A2ML1: variants seen among roughly 807,000 people sequenced by gnomAD.
The protein encoded by A2ML1 is alpha-2-macroglobulin-like protein 1.
A2ML1 carries 161 observed loss-of-function variants against 181.9 expected under a neutral mutation model. That is an observed-to-expected ratio of 0.89 (90% CI 0.78 to 1.01). The LOEUF (loss-of-function observed/expected upper bound fraction) is 1.01, where lower values mean the gene tolerates loss of function less well. A2ML1 is among the 50% of genes least tolerant of loss of function. The probability of loss-of-function intolerance (pLI) is 0.00; values close to 1 mark genes in which losing one functional copy is unlikely to be tolerated. For missense variants in A2ML1, 1,670 were observed against 1,768.1 expected, an observed-to-expected ratio of 0.94 and a Z score of 1.00; for synonymous variants, 663 against 666.8, an observed-to-expected ratio of 0.99 and a Z score of 0.09.
chr12:8,822,955 C>T (rs1942791525), intron 1 of A2ML1, among the ~76,000 whole-genome samples: 1 of 152,086 alleles, frequency 6.6e-6, no homozygotes, highest in Admixed American at 6.6e-5. Flanking sequence ...TAATTTCCTC[C>T]TTGGTGCTCT....
intron 10 of A2ML1, 43 bp downstream of exon 10, chr12:8,839,265 C>A: frequency 6.8e-7 from 1 of 1,461,528 alleles, no homozygotes; most frequent in Non-Finnish European, 9.5e-7. Flanking sequence ...AAATGCATAA[C>A]CATCTACTTT....
intron 3 of A2ML1, among the ~76,000 whole-genome samples, chr12:8,826,596 C>A (rs906732005): frequency 1.3e-5 from 2 of 152,006 alleles, no homozygotes; most frequent in Admixed American, 1.3e-4. Flanking sequence ...TACAGGCATG[C>A]GCCACCATGC....
intron 1 of A2ML1, 107 bp from the exon 2 acceptor site, chr12:8,823,075 G>C: frequency 8.9e-7 from 1 of 1,117,744 alleles, no homozygotes; most frequent in African/African-American, 1.6e-5. Flanking sequence ...GAAGGCAGGG[G>C]CTTGGTCTGT....
At position 8,874,590 on chromosome 12, in the gene A2ML1, C is replaced by T. The variant is rs770157492; in HGVS notation, c.4324+63C>T. The T allele has an allele frequency of 2.2e-5, 28 of 1,298,664 alleles. No individual in the cohort carries two copies. The Admixed American group carries it at 2.2e-4, about 10-fold the overall frequency. 80.4% of individuals were successfully genotyped at this position (1,298,664 alleles called of 1,614,324 possible). A position where few individuals can be genotyped will look rare whatever the true frequency, so the allele number is the denominator to read the frequency against. On this transcript the variant is annotated intron_variant, in intron 34 of 35. Transcript: ENST00000299698. The stretch of plus-strand genomic sequence containing the variant: ...CCTGCATCTCCCAACTTACTTCTGC[C>T]TCATTCTTCATGGCTTCTCTCTTAA...
At chr12:8,869,105 G>A (rs2136966823) in intron 32 of A2ML1, 30 bp from the exon 33 acceptor site, 6 of 1,612,296 alleles carry the variant, frequency 3.7e-6, no homozygotes, top group Middle Eastern at 1.7e-4. Flanking sequence ...CTGGCTCTTA[G>A]TATCTTTTTT....
chr12:8,858,143 G>A lies in A2ML1; in HGVS notation c.3264+41G>A, dbSNP rs192923792. The stretch of plus-strand genomic sequence containing the variant: ...GGAGCCTGCAGCCAACCACTGTCTC[G>A]AAGGACCCCACACCTCTGACCGAGT... On this transcript the variant is annotated intron_variant, in intron 26 of 35. Coordinates refer to ENST00000299698, the MANE Select transcript of A2ML1 (RefSeq NM_144670.6). The A allele has an allele frequency of 1.3e-4, 205 of 1,597,744 alleles. 1 individual carries two copies. In the East Asian group the frequency reaches 3.5e-3, roughly 27 times the overall value.
intron 28 of A2ML1, among the ~76,000 whole-genome samples, chr12:8,862,972 T>C (rs1375993666): frequency 6.6e-6 from 1 of 152,228 alleles, no homozygotes; most frequent in African/African-American, 2.4e-5. Context: ...TCACAGAGGT[T>C]TCTTTTGGTC....
chr12:8,836,008 G>A (rs898652620), intron 6 of A2ML1, among the ~76,000 whole-genome samples: 17 of 105,134 alleles, frequency 1.6e-4, no homozygotes, highest in African/African-American at 6.0e-4. Context: ...GCAAGACTCC[G>A]TCTCAAAAAA....
At chr12:8,854,660 G>C in intron 21 of A2ML1, 120 bp from the exon 22 acceptor site, 1 of 1,033,784 alleles carries the variant, frequency 9.7e-7, no homozygotes, top group Non-Finnish European at 1.5e-6. Flanking sequence ...AGAAGCTCTT[G>C]TCTGCAGTTC....
intron 4 of A2ML1, 130 bp downstream of exon 4, chr12:8,829,909 C>G: frequency 9.3e-7 from 1 of 1,080,092 alleles, no homozygotes; most frequent in Non-Finnish European, 1.4e-6. Flanking sequence ...CTGCTGTGTG[C>G]GTGGGACTGG....
intron 26 of A2ML1, 91 bp from the exon 27 acceptor site, chr12:8,860,790 T>C: frequency 4.9e-6 from 5 of 1,028,002 alleles, no homozygotes; most frequent in Non-Finnish European, 7.5e-6. Context: ...ATTATTCATC[T>C]ATTCAGAGGG....
intron 14 of A2ML1, among the ~76,000 whole-genome samples, chr12:8,846,564 G>A (rs994936294): frequency 2.0e-5 from 3 of 151,936 alleles, no homozygotes; most frequent in Admixed American, 6.6e-5. Flanking sequence ...AATTAGCTGG[G>A]TGTGCAGCAC....
intron 33 of A2ML1, among the ~76,000 whole-genome samples, chr12:8,870,246 T>C (rs978554583): frequency 6.6e-6 from 1 of 152,084 alleles, no homozygotes; most frequent in Non-Finnish European, 1.5e-5. Flanking sequence ...GTTTTTTATG[T>C]TGTGTGAGCC....
At position 8,850,272 on chromosome 12, in the gene A2ML1, T is replaced by G. The variant is rs961372102; in HGVS notation, c.2232T>G (p.Ile744Met). The G allele has an allele frequency of 6.2e-7, 1 of 1,609,100 alleles. No homozygotes were observed. Among genetic ancestry groups the G allele is most frequent in the South Asian group, 1.1e-5 (1 of 90,314 alleles). Residue 744 changes from isoleucine (I) to methionine (M), a missense_variant and splice_region_variant, in exon 18 of 36, where the codon ATT becomes ATG. Ile to Met is a conservative substitution (Grantham distance 10). Transcript: ENST00000299698. ...CCTGGCTCTGGGATCTGTTTCCTATTGGGTAAGTGATGACTCAAAAGTACA... is the reference window on the plus strand; with the variant it reads ...CCTGGCTCTGGGATCTGTTTCCTATGGGGTAAGTGATGACTCAAAAGTACA... ...PETWLWDLFP[I>M]GNSGKEAVHV... is the part of the protein sequence containing the mutation.
chr12:8,843,272 A>C lies in A2ML1; in HGVS notation c.1387A>C (p.Lys463Gln), dbSNP rs764536586. ...LGIHRLNGPL[K>Q]CGQPQEVLVD... The stretch of plus-strand genomic sequence containing the variant: ...CATCCACCGGCTAAACGGCCCCTTG[A>C]AATGTGGCCAGCCCCAGGAAGTGCT... The change falls in exon 12 of 36, where the codon AAA becomes CAA. Residue 463 changes from lysine (K) to glutamine (Q), a missense_variant. Lys to Gln is a moderately conservative substitution (Grantham distance 53). Coordinates refer to ENST00000299698, the MANE Select transcript of A2ML1 (RefSeq NM_144670.6). 2.8e-5 allele frequency: 46 copies of C among 1,614,070 alleles called. No individual in the cohort carries two copies. Among genetic ancestry groups the C allele is most frequent in the Non-Finnish European group, 3.4e-5 (40 of 1,180,044 alleles).
In A2ML1 at chr12:8,847,533, C is replaced by T. The variant is rs761750413; in HGVS notation, c.1684-16C>T. ...AGGCTGACCTGATCCCCAAGTTATACCTTTCCCTTCCCCAGGTTTCCCTTG... is the reference window on the plus strand; with the variant it reads ...AGGCTGACCTGATCCCCAAGTTATATCTTTCCCTTCCCCAGGTTTCCCTTG... On this transcript the variant is annotated splice_polypyrimidine_tract_variant and intron_variant, in intron 14 of 35. Transcript: ENST00000299698. 6.4e-5 allele frequency: 102 copies of T among 1,600,910 alleles called. 1 individual carries two copies. In the East Asian group the frequency reaches 2.2e-3, roughly 34 times the overall value.
intron 26 of A2ML1, chr12:8,858,367 G>C: frequency 3.1e-6 from 1 of 320,904 alleles, no homozygotes; most frequent in Non-Finnish European, 5.7e-6. Flanking sequence ...CAGATCGTTT[G>C]GGCCCAGGAG....
At chr12:8,841,289 C>G (rs1943470637) in intron 10 of A2ML1, 80 bp from the exon 11 acceptor site, 2 of 1,331,684 alleles carry the variant, frequency 1.5e-6, no homozygotes, top group South Asian at 3.0e-5. Context: ...TTAGTTTGCA[C>G]CAACCTAATA....
At chr12:8,881,996 G>A (rs1167705747) in intron 7 of A2ML1, among the ~76,000 whole-genome samples, 1 of 151,508 alleles carries the variant, frequency 6.6e-6, no homozygotes, top group Non-Finnish European at 1.5e-5. Context: ...GGGCGACAGA[G>A]CGAGACTCTG....
Sources: allele counts gnomAD v4.1 joint callset (sites outside exome capture counted in the v4.1 genomes callset), GRCh38; gene constraint gnomAD v4.1.1; transcripts MANE v1.5; gene names NCBI Gene and HGNC (gene_info 2026-07-23, HGNC 2026-07-21).